Variants in TTN observed in about 807,000 individuals in gnomAD.
TTN encodes the protein connectin.
TTN carries 1,525 observed loss-of-function variants against 3,223.0 expected under a neutral mutation model. The ratio of observed to expected loss-of-function variants is 0.47; its 90% CI spans 0.45 to 0.49. The LOEUF is 0.49. Among genes scored for constraint, TTN ranks in the 20% least tolerant of loss-of-function variants. The pLI, the probability that TTN is intolerant of heterozygous loss-of-function variation, is 0.00. For missense variants in TTN, 40,786 were observed against 43,424.0 expected (o/e 0.94, Z 5.40); for synonymous variants, 14,094 against 15,161.0 (o/e 0.93, Z 5.17).
chr2:178,613,461 A>G, intron 263 of TTN, 185 bp from the exon 264 acceptor site: 1 of 639,032 alleles, frequency 1.6e-6, no homozygotes. Flanking sequence ...GACTGGGCCA[A>G]ACATACCAAT....
In TTN at chr2:178,729,649, A is replaced by T; in HGVS notation, c.18589+15T>A. ...GCAGCACAGCCAAAATGGAGAATAG[A>T]TTCCATTCACGAACCTTTCACTTTG... is the stretch of plus-strand genomic sequence containing the variant. On this transcript the variant is annotated intron_variant, in intron 63 of 362. Transcript: ENST00000589042. 6.2e-7 allele frequency: 1 copy of T among 1,613,678 alleles called. No individual in the cohort carries two copies. Among genetic ancestry groups the T allele is most frequent in the Non-Finnish European group, 8.5e-7 (1 of 1,179,680 alleles).
Position 178,558,064 on chromosome 2 carries a change from G to A in TTN, c.87290C>T (p.Ala29097Val). ...TTTGAGATTGATGGTCAGGTTCTCA[G>A]CAGTAATTTCGGTATTAAATCTCAT... is the stretch of plus-strand genomic sequence containing the variant. ...ATMRFNTEIT[A>V]ENLTINLKES... The change falls in exon 328 of 363, where the codon GCT becomes GTT. Residue 29097 changes from alanine to valine, a missense_variant. Ala to Val is a moderately conservative substitution (Grantham distance 64). Coordinates refer to ENST00000589042, the MANE Select transcript of TTN (RefSeq NM_001267550.2). 2 of 1,613,940 alleles carry A rather than the reference G, an allele frequency of 1.2e-6. No individual in the cohort carries two copies. Among genetic ancestry groups the A allele is most frequent in the Non-Finnish European group, 1.7e-6 (2 of 1,179,848 alleles).
In TTN at chr2:178,553,161, T is replaced by G; in HGVS notation, c.89739A>C (p.Thr29913=). Residue 29913 remains threonine (T), a synonymous_variant, in exon 335 of 363, where the codon ACA becomes ACC. Transcript: ENST00000589042. The part of the protein sequence containing the change: ...TRNDTGKYIL[T]IENGVGEPKS... Reference sequence around the variant, plus strand: ...TAGGTTCACCAACTCCATTTTCTATTGTGAGAATATATTTTCCTGTATCAT... The same window carrying G: ...TAGGTTCACCAACTCCATTTTCTATGGTGAGAATATATTTTCCTGTATCAT... 1 of 1,613,558 alleles carries G rather than the reference T, an allele frequency of 6.2e-7. No individual in the cohort carries two copies. Among genetic ancestry groups the G allele is most frequent in the Non-Finnish European group, 8.5e-7 (1 of 1,179,534 alleles).
At chr2:178,649,518 C>A in intron 212 of TTN, 36 bp downstream of exon 212, 1 of 1,535,378 alleles carries the variant, frequency 6.5e-7, no homozygotes, top group Non-Finnish European at 8.8e-7. Flanking sequence ...TATCAGAATA[C>A]TTTCTTTTTT....
At position 178,546,981 on chromosome 2, in the gene TTN, GCC is replaced by G; in HGVS notation, c.94522+20_94522+21del. The G allele has an allele frequency of 6.3e-7, 1 of 1,595,590 alleles. No homozygotes were observed. On this transcript the variant is annotated intron_variant, in intron 340 of 362. Coordinates refer to ENST00000589042, the MANE Select transcript of TTN (RefSeq NM_001267550.2). ...AGAATCAGTAATAATAAACAAATAT[GCC>G]CTTAAATTGTGATACATACCAACTG...
In TTN at chr2:178,539,535, A is replaced by T; in HGVS notation, c.98530T>A (p.Tyr32844Asn). ...ERREVPKAAW[Y>N]TIDSRVRGTS... ...CCTCGGACTCTGGAATCAATGGTAT[A>T]CCAGGCGGCTTTAGGCACTTCTCGT... The change falls in exon 352 of 363, where the codon TAT becomes AAT. Residue 32844 changes from tyrosine (Y) to asparagine (N), a missense_variant. Tyr to Asn is a moderately radical substitution (Grantham distance 143, BLOSUM62 -2). Coordinates refer to ENST00000589042, the MANE Select transcript of TTN (RefSeq NM_001267550.2). The T allele has an allele frequency of 6.2e-7, 1 of 1,613,788 alleles. No homozygotes were observed. The highest frequency in any genetic ancestry group is 8.5e-7 in the Non-Finnish European group (1 of 1,179,786).
Position 178,604,790 on chromosome 2 carries a change from T to G in TTN, c.54299A>C (p.Tyr18100Ser). ...LDNGGSEITH[Y>S]VIDKRDASRK... ...ACTTGCATCACGTTTGTCAATAACA[T>G]AATGGGTGATTTCACTGCCACCATT... The change falls in exon 281 of 363, where the codon TAT becomes TCT. Residue 18100 changes from tyrosine (Y) to serine (S), a missense_variant. Tyr to Ser is a moderately radical substitution (Grantham distance 144). Coordinates refer to ENST00000589042, the MANE Select transcript of TTN (RefSeq NM_001267550.2). 1 of 1,612,538 alleles carries G rather than the reference T, an allele frequency of 6.2e-7. No homozygotes were observed.
chr2:178,769,762 A>C lies in TTN; in HGVS notation c.8819T>G (p.Ile2940Ser). 1 of 1,613,996 alleles carries C rather than the reference A, an allele frequency of 6.2e-7. No homozygotes were observed. Among genetic ancestry groups the C allele is most frequent in the South Asian group, 1.1e-5 (1 of 91,074 alleles). Residue 2940 changes from isoleucine to serine, a missense_variant, in exon 37 of 363, where the codon ATC (isoleucine) becomes AGC (serine). Ile to Ser is a moderately radical substitution (Grantham distance 142). Coordinates refer to ENST00000589042, the MANE Select transcript of TTN (RefSeq NM_001267550.2). ...VVQGKLHQLIIMNTSTEDSAE... is the reference protein window; with the variant it reads ...VVQGKLHQLISMNTSTEDSAE... ...CGAGTCCTCTGTGCTGGTGTTCATG[A>C]TGATCAGCTGATGGAGTTTTCCCTG... is the stretch of plus-strand genomic sequence containing the variant.
In TTN at chr2:178,557,070, C is replaced by A. The variant is rs546300309; in HGVS notation, c.88084G>T (p.Asp29362Tyr). The A allele has an allele frequency of 6.2e-7, 1 of 1,613,614 alleles. No individual in the cohort carries two copies. Among genetic ancestry groups the A allele is most frequent in the South Asian group, 1.1e-5 (1 of 91,042 alleles). Reference protein sequence around the residue: ...VSLSWQQPAFDGGSKITGYIV... With the variant: ...VSLSWQQPAFYGGSKITGYIV... The stretch of plus-strand genomic sequence containing the variant: ...TAGCCTGTAATCTTGCTACCTCCAT[C>A]GAAAGCTGGTTGTTGCCATGAAAGG... The change falls in exon 330 of 363, where the codon GAT becomes TAT. Residue 29362 changes from aspartate to tyrosine, a missense_variant. By Grantham distance (160) the Asp-to-Tyr change is radical. Transcript: ENST00000589042.
At chr2:178,598,082 T>C in intron 292 of TTN, 24 bp from the exon 293 acceptor site, 1 of 1,604,994 alleles carries the variant, frequency 6.2e-7, no homozygotes, top group South Asian at 1.1e-5. Flanking sequence ...ATAGACATTT[T>C]ATAATTAGAA....
rs778728899 is a variant in TTN, at chr2:178,562,365, T to C, written c.83767A>G (p.Ile27923Val). 1.2e-6 allele frequency: 2 copies of C among 1,610,694 alleles called. No individual in the cohort carries two copies. The highest frequency in any genetic ancestry group is 1.7e-6 in the Non-Finnish European group (2 of 1,178,616). The change falls in exon 326 of 363, where the codon ATA (isoleucine) becomes GTA (valine). Residue 27923 changes from isoleucine to valine, a missense_variant. Physicochemically the swap from Ile to Val is conservative, Grantham distance 29. Coordinates refer to ENST00000589042, the MANE Select transcript of TTN (RefSeq NM_001267550.2). ...CTQVKTLEATISGLTAGEEYV... is the reference protein window; with the variant it reads ...CTQVKTLEATVSGLTAGEEYV... ...TCTTCTCCTGCAGTTAAGCCAGATA[T>C]AGTTGCTTCTAGAGTCTTAACTTGT...
chr2:178,747,870 C>G, intron 47 of TTN: 2 of 1,613,010 alleles, frequency 1.2e-6, no homozygotes, highest in Non-Finnish European at 1.7e-6. Flanking sequence ...ATTTGTTCAC[C>G]TGGATTCTGT....
At chr2:178,744,543 A>G (rs562314174) in intron 47 of TTN, 35 of 887,006 alleles carry the variant, frequency 3.9e-5, no homozygotes, top group Middle Eastern at 1.2e-3. Context: ...AAACATAAAC[A>G]TCACAATAAA....
At position 178,704,383 on chromosome 2, in the gene TTN, T is replaced by C; in HGVS notation, c.29987A>G (p.Gln9996Arg). Residue 9996 changes from glutamine (Q) to arginine (R), a missense_variant, in exon 106 of 363, where the codon CAG (glutamine) becomes CGG (arginine). Physicochemically the swap from Gln to Arg is conservative, Grantham distance 43. Transcript: ENST00000589042. ...CTGGCCTTCTTTCAGAGTCACATCC[T>C]GAAGATGCCGTTCCCATGCAGGCTC... Reference protein sequence around the residue: ...VIEPAWERHLQDVTLKEGQTC... With the variant: ...VIEPAWERHLRDVTLKEGQTC... The C allele has an allele frequency of 6.2e-7, 1 of 1,613,636 alleles. No homozygotes were observed. The highest frequency in any genetic ancestry group is 8.5e-7 in the Non-Finnish European group (1 of 1,179,558).
In TTN at chr2:178,548,371, C is replaced by T. The variant is rs372611171; in HGVS notation, c.93255G>A (p.Pro31085=). The T allele has an allele frequency of 6.1e-5, 99 of 1,613,726 alleles. No homozygotes were observed. Among genetic ancestry groups the T allele is most frequent in the African/African-American group, 3.3e-4 (25 of 74,922 alleles). ...FKVNDLAEGV[P]YYFRVSAVNE... ...TTACTGCAGAAACACGGAAATAGTA[C>T]GGAACACCTTCGGCCAGGTCATTGA... is the stretch of plus-strand genomic sequence containing the variant. The change falls in exon 339 of 363, where the codon CCG becomes CCA. Residue 31085 remains proline (P), a synonymous_variant. Transcript: ENST00000589042. This position sits in a 1 kb window ranked among gnomAD's most constrained non-coding sequence, Gnocchi z 4.3.
At position 178,583,099 on chromosome 2, in the gene TTN, T is replaced by C; in HGVS notation, c.65704A>G (p.Thr21902Ala). The C allele has an allele frequency of 6.2e-7, 1 of 1,611,548 alleles. No individual in the cohort carries two copies. Among genetic ancestry groups the C allele is most frequent in the South Asian group, 1.1e-5 (1 of 90,834 alleles). Reference sequence around the variant, plus strand: ...ATGCCTTCTGCTGGTTTTAGCAGTGTGCCATCTTTTTTCCAAGAAACTGTT... The same window carrying C: ...ATGCCTTCTGCTGGTTTTAGCAGTGCGCCATCTTTTTTCCAAGAAACTGTT... The part of the protein sequence containing the change: ...MPTVSWKKDG[T>A]LLKPAEGIKM... Residue 21902 changes from threonine to alanine, a missense_variant, in exon 313 of 363, where the codon ACA becomes GCA. Transcript: ENST00000589042.
In TTN at chr2:178,593,502, A is replaced by G. The variant is rs2050688564; in HGVS notation, c.58733-27T>C. The G allele has an allele frequency of 1.9e-6, 3 of 1,599,314 alleles. No homozygotes were observed. In the African/African-American group the frequency reaches 4.1e-5, roughly 22 times the overall value. ...TGTAACAAATGTTGGAAAATGCGTT[A>G]GAAATTTATTTCTTTATATTAGTTT... is the stretch of plus-strand genomic sequence containing the variant. On this transcript the variant is annotated intron_variant, in intron 298 of 362. Transcript: ENST00000589042.
In TTN at chr2:178,578,959, A is replaced by G. The variant is rs565422738; in HGVS notation, c.68071T>C (p.Trp22691Arg). 1 of 1,613,158 alleles carries G rather than the reference A, an allele frequency of 6.2e-7. No homozygotes were observed. Among genetic ancestry groups the G allele is most frequent in the African/African-American group, 1.3e-5 (1 of 74,950 alleles). The change falls in exon 320 of 363, where the codon TGG (tryptophan) becomes CGG (arginine). Residue 22691 changes from tryptophan to arginine, a missense_variant. Transcript: ENST00000589042. ...TGGACAGCTGAGGCGCACGTCACCC[A>G]CTTGTTGTTCACAGAATCCCTCTTC... ...LEKRDSVNNK[W>R]VTCASAVQKT...
chr2:178,548,488 G>C lies in TTN; in HGVS notation c.93138C>G (p.Ala31046=). ...MWDAPLLDGG[A]RIHHYVVEKR... ...TCTCTACCACATAATGATGGATTCG[G>C]GCACCACCGTCAAGAAGAGGGGCAT... Residue 31046 remains alanine (A), a synonymous_variant, in exon 339 of 363, where the codon GCC becomes GCG. Coordinates refer to ENST00000589042, the MANE Select transcript of TTN (RefSeq NM_001267550.2). The surrounding 1 kb of genome is among the most constrained non-coding windows in gnomAD (Gnocchi z 4.3). 1 of 1,613,778 alleles carries C rather than the reference G, an allele frequency of 6.2e-7. No homozygotes were observed. The highest frequency in any genetic ancestry group is 1.1e-5 in the South Asian group (1 of 91,074).
Sources: gnomAD v4.1 joint callset for allele counts on GRCh38, gnomAD v4.1.1 for gene constraint, Gnocchi (gnomAD v3.1) non-coding constraint, MANE v1.5 for transcripts, NCBI Gene and HGNC (gene_info 2026-07-23, HGNC 2026-07-21) for gene names.